The following PSIP1 variants were observed in gnomAD, a reference collection of about 807,000 sequenced individuals.
PSIP1 encodes the protein PC4 and SRSF1 interacting protein 1.
PSIP1 carries 19 observed loss-of-function variants against 74.7 expected under a neutral mutation model. The ratio of observed to expected loss-of-function variants is 0.25; its 90% CI spans 0.18 to 0.37. The LOEUF (loss-of-function observed/expected upper bound fraction) is 0.37. Among genes scored for constraint, PSIP1 ranks in the 10% least tolerant of loss-of-function variants. PSIP1 has a pLI of 1.00. For missense variants in PSIP1, 601 were observed against 614.3 expected (o/e 0.98, Z 0.23); for synonymous variants, 222 against 195.3 (o/e 1.14, Z -1.14).
At position 15,510,964 on chromosome 9, in the gene PSIP1, C is replaced by G. The variant is rs2037845958; in HGVS notation, c.-289G>C. The G allele has an allele frequency of 1.3e-5, 2 of 152,934 alleles. No individual in the cohort carries two copies. The highest frequency in any genetic ancestry group is 3.8e-4 in the South Asian group (2 of 5,222). The allele number at this position is 152,934 out of a possible 1,614,324, so 9.5% of individuals were successfully genotyped here. Reference sequence around the variant, plus strand: ...GCCGCCGCTGCCGCCGCCGTAGCTGCGCTGCTCCCGCGCGGCTCCCGCTCG... The same window carrying G: ...GCCGCCGCTGCCGCCGCCGTAGCTGGGCTGCTCCCGCGCGGCTCCCGCTCG... On this transcript the variant is annotated 5_prime_UTR_variant, in exon 1 of 16. Coordinates refer to ENST00000380733, the MANE Select transcript of PSIP1 (RefSeq NM_033222.5).
rs534146954 is a variant in PSIP1 at position 15,484,678 on chromosome 9, G to A, written c.456+1328C>T. Among the ~76,000 whole-genome samples the A allele has an allele frequency of 5.3e-5, 8 of 152,162 alleles. No individual in the cohort carries two copies. The East Asian group carries it at 1.5e-3, about 29-fold the overall frequency. The stretch of plus-strand genomic sequence containing the variant: ...GGAGGTGAAGGTTGCAGTGAGCCGA[G>A]ATGGCGCCACTGCACTTCAGCTGGG... On this transcript the variant is annotated intron_variant, in intron 6 of 15. Transcript: ENST00000380733.
chr9:15,465,705 A>G lies in PSIP1; in HGVS notation c.1533-125T>C, dbSNP rs551983519. 4.3e-4 allele frequency: 307 copies of G among 720,858 alleles called. 3 individuals carry two copies. In the South Asian group the frequency reaches 6.4e-3, roughly 15 times the overall value. The allele number at this position is 720,858 out of a possible 1,614,324, so 44.7% of individuals were successfully genotyped here. ...GACTGAAACCAACCAAACAAAAGAA[A>G]AACTTGACTTGTTATTAGAACAGTC... On this transcript the variant is annotated intron_variant, in intron 15 of 15. Coordinates refer to ENST00000380733, the MANE Select transcript of PSIP1 (RefSeq NM_033222.5).
intron 7 of PSIP1, 99 bp downstream of exon 7, chr9:15,479,492 C>G (rs2036242458): frequency 2.5e-6 from 2 of 806,166 alleles, no homozygotes; most frequent in South Asian, 3.7e-5. Flanking sequence ...AATCAATTGC[C>G]TATTTGCTTC....
intron 3 of PSIP1, among the ~76,000 whole-genome samples, chr9:15,502,307 C>A (rs1000696663): frequency 3.3e-5 from 5 of 152,112 alleles, no homozygotes; most frequent in Non-Finnish European, 7.4e-5. Context: ...TCACTACAGA[C>A]ATAACCATCT....
chr9:15,472,921 T>A (rs1256906826), intron 9 of PSIP1, among the ~76,000 whole-genome samples, 171 bp from the exon 10 acceptor site: 1 of 152,202 alleles, frequency 6.6e-6, no homozygotes, highest in Admixed American at 6.5e-5. Context: ...AAGTTTAACT[T>A]TGATTAATGA....
intron 14 of PSIP1, 53 bp downstream of exon 14, chr9:15,468,577 C>T: frequency 6.4e-7 from 1 of 1,561,448 alleles, no homozygotes; most frequent in Non-Finnish European, 8.8e-7. Context: ...TAAAAGCAGT[C>T]CTGGCAAATG....
intron 10 of PSIP1, chr9:15,471,449 G>C (rs1429992869): frequency 9.8e-6 from 14 of 1,424,448 alleles, no homozygotes; most frequent in Admixed American, 7.9e-5. Context: ...AAGAAGGGTT[G>C]GGCTACATAT....
intron 2 of PSIP1, among the ~76,000 whole-genome samples, chr9:15,507,251 A>G (rs1345131766): frequency 6.6e-6 from 1 of 152,226 alleles, no homozygotes; most frequent in Non-Finnish European, 1.5e-5. Context: ...GGAAGAAATC[A>G]TCAGGTGCTG....
At position 15,510,238 on chromosome 9, in the gene PSIP1, T is replaced by TGCGGCGGCGCGGGGATGCGG. The variant is rs1269526829; in HGVS notation, c.-70_-51dup. ...CGAAGCCCGGGAGGCGGCGAGGAGA[T>TGCGGCGGCGCGGGGATGCGG]GCGGCGGCGCGGGGATGCGGGCGGC... On this transcript the variant is annotated 5_prime_UTR_variant, in exon 2 of 16. Coordinates refer to ENST00000380733, the MANE Select transcript of PSIP1 (RefSeq NM_033222.5). 82 of 1,561,200 alleles carry TGCGGCGGCGCGGGGATGCGG rather than the reference T, an allele frequency of 5.3e-5. No homozygotes were observed. Among genetic ancestry groups the TGCGGCGGCGCGGGGATGCGG allele is most frequent in the Non-Finnish European group, 6.1e-5 (70 of 1,148,578 alleles).
chr9:15,473,010 T>C (rs529022958), intron 9 of PSIP1, among the ~76,000 whole-genome samples: 109 of 152,340 alleles, frequency 7.2e-4, no homozygotes, highest in African/African-American at 2.5e-3. Context: ...TCAGTCTGTT[T>C]GCCTCTCTAC....
In PSIP1 at chr9:15,488,572, G is replaced by T. The variant is rs114740124; in HGVS notation, c.288+1414C>A. Among the ~76,000 whole-genome samples, 1,082 of 152,022 alleles carry T rather than the reference G, an allele frequency of 7.1e-3. 14 individuals carry two copies. The highest frequency in any genetic ancestry group is 0.024 in the African/African-American group (1,014 of 41,470). On this transcript the variant is annotated intron_variant, in intron 4 of 15. Transcript: ENST00000380733. ...TAAGAGTTCTGGAACATTCATTTGG[G>T]AATATATGCAACAATTCAAGAGTGC...
chr9:15,509,493 A>G (rs1341567613), intron 2 of PSIP1, among the ~76,000 whole-genome samples: 1 of 152,242 alleles, frequency 6.6e-6, no homozygotes, highest in African/African-American at 2.4e-5. Flanking sequence ...TGGAAACAAA[A>G]AGGTAAAACA....
chr9:15,502,910 G>A (rs931565115), intron 3 of PSIP1, among the ~76,000 whole-genome samples: 3 of 152,184 alleles, frequency 2.0e-5, no homozygotes, highest in Admixed American at 6.5e-5. Context: ...AAAATCAGAC[G>A]TCTGTAGGCC....
At chr9:15,469,879 T>G (rs1009459102) in intron 11 of PSIP1, 59 bp downstream of exon 11, 2 of 1,407,460 alleles carry the variant, frequency 1.4e-6, no homozygotes, top group Middle Eastern at 1.9e-4. Flanking sequence ...AAAAGTTATG[T>G]CTATATAACT....
intron 6 of PSIP1, 21 bp from the exon 7 acceptor site, chr9:15,479,708 T>C (rs2036253249): frequency 6.3e-6 from 10 of 1,595,656 alleles, no homozygotes; most frequent in Non-Finnish European, 7.7e-6. Flanking sequence ...AAAATTTAAT[T>C]AACTTATTTA....
At chr9:15,506,424 G>T in intron 3 of PSIP1, 137 bp downstream of exon 3, 1 of 541,814 alleles carries the variant, frequency 1.8e-6, no homozygotes, top group Non-Finnish European at 3.2e-6. Context: ...TAAAAATAGA[G>T]ACTTAAAGAC....
intron 8 of PSIP1, among the ~76,000 whole-genome samples, chr9:15,477,061 A>G (rs1227760060): frequency 6.6e-6 from 1 of 152,214 alleles, no homozygotes; most frequent in Non-Finnish European, 1.5e-5. Flanking sequence ...AGGGAACACT[A>G]ATTATATCCA....
At position 15,469,259 on chromosome 9, in the gene PSIP1, CACTT is replaced by C. The variant is rs768468361; in HGVS notation, c.1104+3_1104+6del. 12 of 1,512,912 alleles carry C rather than the reference CACTT, an allele frequency of 7.9e-6. No individual in the cohort carries two copies. The highest frequency in any genetic ancestry group is 4.5e-5 in the East Asian group (2 of 44,268). 93.7% of individuals were successfully genotyped at this position (1,512,912 alleles called of 1,614,324 possible). ...TACTGAAGTATTAAATGAAGTTAAA[CACTT>C]ACAAGATTATCAATTTTGAGTGAAT... On this transcript the variant is annotated splice_donor_5th_base_variant and intron_variant, in intron 12 of 15. Coordinates refer to ENST00000380733, the MANE Select transcript of PSIP1 (RefSeq NM_033222.5).
intron 3 of PSIP1, among the ~76,000 whole-genome samples, chr9:15,497,934 C>G (rs537131909): frequency 6.6e-6 from 1 of 152,250 alleles, no homozygotes; most frequent in Non-Finnish European, 1.5e-5. Context: ...AAGTAGACCT[C>G]TTTAAATTAA....
Sources: gnomAD v4.1 joint callset for allele counts (sites outside exome capture counted in the v4.1 genomes callset) on GRCh38, gnomAD v4.1.1 for gene constraint, MANE v1.5 for transcripts, NCBI Gene and HGNC (gene_info 2026-07-23, HGNC 2026-07-21) for gene names.